Variants in ARHGAP6 observed in about 807,000 individuals in gnomAD.
The protein encoded by ARHGAP6 is Rho GTPase activating protein 6, also known as rho GTPase-activating protein 6.
Under a neutral mutation model 55.7 loss-of-function variants are expected in ARHGAP6, and 16 were observed. The ratio of observed to expected loss-of-function variants is 0.29; its 90% CI spans 0.19 to 0.44. The LOEUF (loss-of-function observed/expected upper bound fraction) is 0.44, where lower values mean the gene tolerates loss of function less well. Ranked by LOEUF, ARHGAP6 falls within the 20% of genes least tolerant of loss-of-function variation. The pLI is 1.00. For synonymous variants in ARHGAP6, 382 were observed against 360.9 expected, an observed-to-expected ratio of 1.06 and a Z score of -0.66; for missense variants, 698 against 808.9, an observed-to-expected ratio of 0.86 and a Z score of 1.66.
At chrX:11,182,712 T>A (rs1299130386) in intron 5 of ARHGAP6, among the ~76,000 whole-genome samples, 1 of 102,058 alleles carries the variant, frequency 9.8e-6, no homozygotes, top group East Asian at 3.2e-4. Context: ...TACGGCTCAC[T>A]GCAGTCTTGA....
chrX:11,447,602 C>T (rs773214602), intron 1 of ARHGAP6, among the ~76,000 whole-genome samples: 2 of 112,491 alleles, frequency 1.8e-5, no homozygotes, highest in South Asian at 7.3e-4. Flanking sequence ...TATTTACTCT[C>T]GGCTTTTTAC....
At chrX:11,261,673 CT>C (rs1334006849) in intron 1 of ARHGAP6, among the ~76,000 whole-genome samples, 1 of 111,602 alleles carries the variant, frequency 9.0e-6, no homozygotes, top group African/African-American at 3.3e-5. Context: ...GTAAAAACAT[CT>C]TTCTATTCTA....
chrX:11,515,677 T>A (rs1485468330), intron 1 of ARHGAP6, among the ~76,000 whole-genome samples: 2 of 112,457 alleles, frequency 1.8e-5, no homozygotes, highest in African/African-American at 6.5e-5. Context: ...AAGAACTAGA[T>A]GTGTCATTGT....
At chrX:11,369,192 T>G (rs1487498786) in intron 1 of ARHGAP6, among the ~76,000 whole-genome samples, 2 of 111,406 alleles carry the variant, frequency 1.8e-5, no homozygotes, top group East Asian at 5.6e-4. Context: ...GTTTGTTTGT[T>G]TTTTTGCCTA....
intron 1 of ARHGAP6, among the ~76,000 whole-genome samples, chrX:11,325,067 C>G (rs1222602393): frequency 9.0e-6 from 1 of 111,730 alleles, no homozygotes. Context: ...ACCTTGTTAG[C>G]CAGGATGGTC....
rs2051012217 is a variant in ARHGAP6 at position 11,528,303 on chromosome X, T to C, written c.588+135938A>G. Among the ~76,000 whole-genome samples the C allele has an allele frequency of 1.8e-5, 2 of 112,224 alleles. 1 individual carries two copies. Among genetic ancestry groups the C allele is most frequent in the African/African-American group, 6.5e-5 (2 of 30,852 alleles). ...ACCAATAGACAATACCTATGGTGCT[T>C]TTCTGTGGCACGTTTAGATAAAATA... On this transcript the variant is annotated intron_variant, in intron 1 of 12. Coordinates refer to ENST00000337414, the MANE Select transcript of ARHGAP6 (RefSeq NM_013427.3).
At chrX:11,487,121 ATT>A (rs1402642576) in intron 1 of ARHGAP6, among the ~76,000 whole-genome samples, 1 of 112,285 alleles carries the variant, frequency 8.9e-6, no homozygotes, top group African/African-American at 3.2e-5. Context: ...TGAAGTCATG[ATT>A]TTTCAATACA....
At position 11,455,603 on chromosome X, in the gene ARHGAP6, C is replaced by T. The variant is rs774360191; in HGVS notation, c.589-200896G>A. The stretch of plus-strand genomic sequence containing the variant: ...TATGGCCAATAAATCAAGACTTAGC[C>T]AATTCATGATATTTTGATGTTCACA... On this transcript the variant is annotated intron_variant, in intron 1 of 12. Transcript: ENST00000337414. Among the ~76,000 whole-genome samples the T allele has an allele frequency of 2.5e-4, 28 of 112,132 alleles. No homozygotes were observed. In the South Asian group the frequency reaches 0.01, roughly 40 times the overall value.
intron 1 of ARHGAP6, among the ~76,000 whole-genome samples, chrX:11,525,704 G>T (rs191861288): frequency 1.8e-5 from 2 of 112,063 alleles, no homozygotes; most frequent in African/African-American, 6.5e-5. Context: ...AAATAAAGAT[G>T]CTAGGAGTGG....
intron 1 of ARHGAP6, among the ~76,000 whole-genome samples, chrX:11,276,637 AACAAGCCATCTGC>A (rs1399708317): frequency 9.0e-6 from 1 of 111,702 alleles, no homozygotes; most frequent in Non-Finnish European, 1.9e-5. Context: ...ATGACGTGAA[AACAAGCCATCTGC>A]ACTTACTGGT....
At chrX:11,655,287 G>A (rs908813353) in intron 1 of ARHGAP6, among the ~76,000 whole-genome samples, 1 of 111,906 alleles carries the variant, frequency 8.9e-6, no homozygotes, top group Non-Finnish European at 1.9e-5. Flanking sequence ...TCATCTATCC[G>A]TTGATGAATA....
At chrX:11,327,892 T>A (rs772505656) in intron 1 of ARHGAP6, among the ~76,000 whole-genome samples, 2 of 112,077 alleles carry the variant, frequency 1.8e-5, no homozygotes, top group South Asian at 7.5e-4. Flanking sequence ...AAGTCTTTGA[T>A]TATTCTACAC....
intron 1 of ARHGAP6, among the ~76,000 whole-genome samples, chrX:11,546,040 T>C (rs1298897106): frequency 9.0e-6 from 1 of 110,790 alleles, no homozygotes; most frequent in Non-Finnish European, 1.9e-5. Context: ...AAGAAAAACA[T>C]GAAAAATGAG....
intron 1 of ARHGAP6, among the ~76,000 whole-genome samples, chrX:11,523,219 T>C (rs1366550546): frequency 1.2e-4 from 13 of 111,557 alleles, no homozygotes; most frequent in Non-Finnish European, 2.1e-4. Flanking sequence ...AAATTAGGTA[T>C]TGATGGGACA....
At chrX:11,383,240 T>C (rs1168798682) in intron 1 of ARHGAP6, among the ~76,000 whole-genome samples, 1 of 111,572 alleles carries the variant, frequency 9.0e-6, no homozygotes, top group Non-Finnish European at 1.9e-5. Flanking sequence ...TCATGGTTCA[T>C]TGTGGAGAAA....
rs1331287650 is a variant in ARHGAP6 at position 11,139,092 on chromosome X, C to T, written c.2696G>A (p.Gly899Glu). 1 of 1,202,663 alleles carries T rather than the reference C, an allele frequency of 8.3e-7. No individual in the cohort carries two copies. The highest frequency in any genetic ancestry group is 2.2e-5 in the Admixed American group (1 of 45,418). ...GGGTGTCTCCACGCCTTCCGGGGGC[C>T]CCTGGATCCAGGCTGCCGCTGCCGC... The part of the protein sequence containing the change: ...KPAAAAAWIQ[G>E]PPEGVETPTD... The change falls in exon 13 of 13, where the codon GGG becomes GAG. Residue 899 changes from glycine to glutamate, a missense_variant. This residue lies in a region of ARHGAP6 where 212 missense variants were observed against 208.7 expected (regional missense o/e 1.02). Transcript: ENST00000337414.
chrX:11,543,757 A>C (rs764757491), intron 1 of ARHGAP6, among the ~76,000 whole-genome samples: 7 of 112,330 alleles, frequency 6.2e-5, no homozygotes, highest in African/African-American at 2.3e-4. Flanking sequence ...CTATACTCCT[A>C]AACAGCATGC....
chrX:11,400,216 T>C (rs745315967), intron 1 of ARHGAP6, among the ~76,000 whole-genome samples: 38 of 111,602 alleles, frequency 3.4e-4, no homozygotes, highest in Non-Finnish European at 6.0e-4. Context: ...AGGGGAATTT[T>C]ATGGTATGTG....
At chrX:11,322,140 T>C (rs1273411413) in intron 1 of ARHGAP6, among the ~76,000 whole-genome samples, 1 of 111,946 alleles carries the variant, frequency 8.9e-6, no homozygotes, top group Non-Finnish European at 1.9e-5. Context: ...ATTGATCATC[T>C]CTACAGTACA....
Sources: gnomAD v4.1 joint callset for allele counts (sites outside exome capture counted in the v4.1 genomes callset) on GRCh38, gnomAD v4.1.1 for gene constraint, gnomAD v4.1.1 regional missense constraint, MANE v1.5 for transcripts, NCBI Gene and HGNC (gene_info 2026-07-23, HGNC 2026-07-21) for gene names.